Variants in GLMN observed in about 807,000 individuals in gnomAD.
GLMN encodes the protein glomulin.
Under a neutral mutation model 87.8 loss-of-function variants are expected in GLMN, and 75 were observed. The observed-to-expected ratio is 0.85, with a 90% CI of 0.71 to 1.04. GLMN has a LOEUF of 1.04. Among genes scored for constraint, GLMN ranks in the 50% least tolerant of loss-of-function variants. The probability of loss-of-function intolerance (pLI) is 0.00; values close to 1 mark genes in which losing one functional copy is unlikely to be tolerated. For synonymous variants in GLMN, 206 were observed against 221.6 expected (o/e 0.93, Z 0.63); for missense variants, 588 against 658.8 (o/e 0.89, Z 1.18).
intron 9 of GLMN, among the ~76,000 whole-genome samples, chr1:92,268,604 C>T (rs974176798): frequency 1.3e-5 from 2 of 152,176 alleles, no homozygotes; most frequent in Non-Finnish European, 2.9e-5. Context: ...AATATAAAAT[C>T]ATTAAAACAT....
At chr1:92,265,778 C>A (rs1400311319) in intron 13 of GLMN, among the ~76,000 whole-genome samples, 1 of 152,104 alleles carries the variant, frequency 6.6e-6, no homozygotes, top group Non-Finnish European at 1.5e-5. Context: ...TTGGCCAATC[C>A]CAGGTAAGAC....
chr1:92,288,926 T>C lies in GLMN; in HGVS notation c.620A>G (p.Glu207Gly). The C allele has an allele frequency of 6.6e-7, 1 of 1,522,822 alleles. No individual in the cohort carries two copies. The highest frequency in any genetic ancestry group is 9.1e-7 in the Non-Finnish European group (1 of 1,097,212). 94.3% of individuals were successfully genotyped at this position (1,522,822 alleles called of 1,614,324 possible). A position where few individuals can be genotyped will look rare whatever the true frequency, so the allele number is the denominator to read the frequency against. The stretch of plus-strand genomic sequence containing the variant: ...AAATTATACTTACAATTTCAGTAAT[T>C]CATCCTTTAACTTTTCATTTTCCAG... ...NSLENEKLKD[E>G]LLKFCFKSLK... is the part of the protein sequence containing the mutation. Residue 207 changes from glutamate (E) to glycine (G), a missense_variant, in exon 6 of 19, where the codon GAA becomes GGA. Coordinates refer to ENST00000370360, the MANE Select transcript of GLMN (RefSeq NM_053274.3).
At chr1:92,330,113 T>G in the GLMN span, among the ~76,000 whole-genome samples, 86 of 152,284 alleles carry the variant, frequency 5.6e-4, 1 homozygote, top group African/African-American at 1.9e-3. Flanking sequence ...CCGTCCAGTT[T>G]CTTATTCTTC....
chr1:92,317,407 C>T, the GLMN span, among the ~76,000 whole-genome samples: 1 of 151,692 alleles, frequency 6.6e-6, no homozygotes, highest in Non-Finnish European at 1.5e-5. Flanking sequence ...ACTCAGGAGG[C>T]TGAGGCAGGA....
chr1:92,317,031 G>A, the GLMN span, among the ~76,000 whole-genome samples: 2 of 152,302 alleles, frequency 1.3e-5, no homozygotes, highest in Admixed American at 1.3e-4. Context: ...TTGAGTTCCT[G>A]TGAAAGGGAT....
the GLMN span, among the ~76,000 whole-genome samples, chr1:92,361,505 CAA>C: frequency 6.6e-6 from 1 of 152,006 alleles, no homozygotes; most frequent in Non-Finnish European, 1.5e-5. Flanking sequence ...CGTGAAAAAA[CAA>C]AAATAGTTGC....
At chr1:92,305,626 G>T in the GLMN span, among the ~76,000 whole-genome samples, 2,950 of 151,366 alleles carry the variant, frequency 0.019, 118 homozygotes, top group African/African-American at 0.067. Context: ...AATGTTAACT[G>T]ACCATAGAAT....
chr1:92,286,778 G>T (rs1197329375), intron 6 of GLMN, among the ~76,000 whole-genome samples, 186 bp from the exon 7 acceptor site: 1 of 152,160 alleles, frequency 6.6e-6, no homozygotes, highest in African/African-American at 2.4e-5. Context: ...GGCCAAGGGG[G>T]CTCCACTCTC....
At chr1:92,304,602 C>G in the GLMN span, among the ~76,000 whole-genome samples, 1 of 152,106 alleles carries the variant, frequency 6.6e-6, no homozygotes, top group Non-Finnish European at 1.5e-5. Flanking sequence ...TGGCACAAAT[C>G]TGGGCAAATA....
chr1:92,310,650 C>G, the GLMN span, among the ~76,000 whole-genome samples: 2 of 152,030 alleles, frequency 1.3e-5, no homozygotes, highest in Middle Eastern at 3.2e-3. Flanking sequence ...GTAATCCCAG[C>G]ATTTGGGAGG....
chr1:92,260,594 G>A (rs573573953), intron 16 of GLMN, among the ~76,000 whole-genome samples: 9 of 150,324 alleles, frequency 6.0e-5, no homozygotes, highest in South Asian at 2.1e-4. Context: ...CAGCCTGGGC[G>A]ACAGAGTGAG....
At chr1:92,301,394 GTTAGGTT>G (rs1650847190), upstream of GLMN, 1 of 570,926 alleles carries the variant, frequency 1.8e-6, no homozygotes, top group Non-Finnish European at 3.0e-6. Context: ...AAAATAGTGA[GTTAGGTT>G]AGTATTGTAT....
At chr1:92,252,462 G>A (rs2100797089) in intron 16 of GLMN, among the ~76,000 whole-genome samples, 1 of 152,272 alleles carries the variant, frequency 6.6e-6, no homozygotes, top group South Asian at 2.1e-4. Flanking sequence ...ATTGGACAGT[G>A]CAAATCTAGA....
intron 16 of GLMN, among the ~76,000 whole-genome samples, chr1:92,262,603 A>C (rs1403019786): frequency 1.3e-5 from 2 of 152,230 alleles, no homozygotes; most frequent in East Asian, 3.8e-4. Context: ...TAGGACCTGC[A>C]ACTTATCCAC....
chr1:92,305,006 G>C, the GLMN span, among the ~76,000 whole-genome samples: 1 of 151,956 alleles, frequency 6.6e-6, no homozygotes, highest in Non-Finnish European at 1.5e-5. Flanking sequence ...GTGGTGGTAC[G>C]CACCTGTAGT....
intron 16 of GLMN, among the ~76,000 whole-genome samples, chr1:92,260,017 G>A (rs543999871): frequency 1.2e-4 from 19 of 152,074 alleles, no homozygotes; most frequent in Middle Eastern, 6.8e-3. Flanking sequence ...TTACAGGTGT[G>A]AGCCACCACG....
chr1:92,262,909 T>G lies in GLMN; in HGVS notation c.1427A>C (p.Asn476Thr). The G allele has an allele frequency of 1.8e-6, 2 of 1,141,502 alleles. No individual in the cohort carries two copies. Among genetic ancestry groups the G allele is most frequent in the Non-Finnish European group, 1.3e-6 (1 of 753,970 alleles). The allele number at this position is 1,141,502 out of a possible 1,614,324, so 70.7% of individuals were successfully genotyped here. ...TTTGATAACCAAATACCTCAATAAA[T>G]TTAATGAAGCCATAATCCTGTTAAT... ...QNSDRIMASL[N>T]LLRYLVIKDN... Residue 476 changes from asparagine to threonine, a missense_variant, in exon 16 of 19, where the codon AAT becomes ACT. Coordinates refer to ENST00000370360, the MANE Select transcript of GLMN (RefSeq NM_053274.3).
At chr1:92,286,996 C>T (rs745852717) in intron 6 of GLMN, among the ~76,000 whole-genome samples, 16 of 152,178 alleles carry the variant, frequency 1.1e-4, no homozygotes, top group Non-Finnish European at 2.1e-4. Flanking sequence ...GTTATATCAG[C>T]ACAAATGGAT....
At chr1:92,283,267 C>T (rs971728425) in intron 7 of GLMN, among the ~76,000 whole-genome samples, 4 of 152,162 alleles carry the variant, frequency 2.6e-5, no homozygotes, top group South Asian at 2.1e-4. Context: ...AAATCTTATG[C>T]GCCACAATCA....
Sources: allele counts gnomAD v4.1 joint callset (sites outside exome capture counted in the v4.1 genomes callset), GRCh38; gene constraint gnomAD v4.1.1; transcripts MANE v1.5; gene names NCBI Gene and HGNC (gene_info 2026-07-23, HGNC 2026-07-21).